The following OR2L2 variants were observed in gnomAD, a reference collection of about 807,000 sequenced individuals.
The protein encoded by OR2L2 is olfactory receptor family 2 subfamily L member 2.
For synonymous variants in OR2L2, 156 were observed against 135.4 expected, an observed-to-expected ratio of 1.15 and a Z score of -1.06; for missense variants, 378 against 375.2, an observed-to-expected ratio of 1.01 and a Z score of -0.06.
chr1:248,032,071 A>G (rs1662634882), intron 1 of OR2L2, among the ~76,000 whole-genome samples: 1 of 152,182 alleles, frequency 6.6e-6, no homozygotes, highest in Admixed American at 6.5e-5. Flanking sequence ...CTACTAATAT[A>G]AATTCAAACT....
At position 248,038,246 on chromosome 1, in the gene OR2L2, G is replaced by A; in HGVS notation, c.-21-1G>A. The A allele has an allele frequency of 1.3e-6, 2 of 1,521,700 alleles. No individual in the cohort carries two copies. Among genetic ancestry groups the A allele is most frequent in the Non-Finnish European group, 1.8e-6 (2 of 1,105,372 alleles). The allele number at this position is 1,521,700 out of a possible 1,614,324, so 94.3% of individuals were successfully genotyped here. ...TAATTTACCCTTTTGTCTCCCTTCA[G>A]GATGGATTGTAGGAATTCCCCATGG... is the stretch of plus-strand genomic sequence containing the variant. On this transcript the variant is annotated splice_acceptor_variant, in intron 2 of 2. Transcript: ENST00000641771. LOFTEE classifies it low-confidence loss of function (5UTR_SPLICE).
At chr1:248,032,113 G>T (rs1262139113) in intron 1 of OR2L2, among the ~76,000 whole-genome samples, 1 of 152,006 alleles carries the variant, frequency 6.6e-6, no homozygotes, top group Non-Finnish European at 1.5e-5. Flanking sequence ...ATCACATATT[G>T]TTTCCAAATG....
At position 248,038,282 on chromosome 1, in the gene OR2L2, T is replaced by A; in HGVS notation, c.15T>A (p.Asn5Lys). 6.2e-7 allele frequency: 1 copy of A among 1,607,956 alleles called. No homozygotes were observed. The highest frequency in any genetic ancestry group is 1.1e-5 in the South Asian group (1 of 90,316). The change falls in exon 3 of 3, where the codon AAT becomes AAA. Residue 5 changes from asparagine to lysine, a missense_variant. Asn to Lys is a moderately conservative substitution (Grantham distance 94, BLOSUM62 0). Coordinates refer to ENST00000641771, the MANE Select transcript of OR2L2 (RefSeq NM_001385855.1). MENYNQTSTDFILLG... is the reference protein window; with the variant it reads MENYKQTSTDFILLG... ...AGGAATTCCCCATGGAAAATTACAA[T>A]CAAACATCAACTGATTTCATCTTAT...
Position 248,039,315 on chromosome 1 carries a change from C to G in OR2L2, c.*109C>G, listed in dbSNP as rs1300825411. On this transcript the variant is annotated 3_prime_UTR_variant, in exon 3 of 3. Transcript: ENST00000641771. The stretch of plus-strand genomic sequence containing the variant: ...CCCAGTGTGTCAAACAGAAGTTAAT[C>G]TAGAAGAAATTTGTCTTTTAATTTA... The G allele has an allele frequency of 3.4e-6, 3 of 877,694 alleles. No homozygotes were observed. Among genetic ancestry groups the G allele is most frequent in the Non-Finnish European group, 4.9e-6 (3 of 614,364 alleles). The allele number at this position is 877,694 out of a possible 1,614,324, so 54.4% of individuals were successfully genotyped here. A position where few individuals can be genotyped will look rare whatever the true frequency, so the allele number is the denominator to read the frequency against.
In OR2L2 at chr1:248,038,927, T is replaced by C. The variant is rs1363371999; in HGVS notation, c.660T>C (p.Val220=). 3.1e-6 allele frequency: 5 copies of C among 1,614,132 alleles called. No homozygotes were observed. The highest frequency in any genetic ancestry group is 4.2e-6 in the Non-Finnish European group (5 of 1,180,022). Reference sequence around the variant, plus strand: ...GTATTGCATGTTCCTATGGCCGGGTTCTCCTTGCTGTCTACCGCATGCACT... The same window carrying C: ...GTATTGCATGTTCCTATGGCCGGGTCCTCCTTGCTGTCTACCGCATGCACT... The part of the protein sequence containing the change: ...FTGIACSYGR[V]LLAVYRMHSA... Residue 220 remains valine (V), a synonymous_variant, in exon 3 of 3, where the codon GTT becomes GTC. Transcript: ENST00000641771.
At chr1:248,038,056 T>C in intron 2 of OR2L2, 191 bp from the exon 3 acceptor site, 1 of 447,326 alleles carries the variant, frequency 2.2e-6, no homozygotes, top group Non-Finnish European at 3.9e-6. Flanking sequence ...TATTTGTAGT[T>C]ATTTTTGTTA....
At position 248,039,587 on chromosome 1, in the gene OR2L2, GT is replaced by G. The variant is rs112647571; in HGVS notation, c.*391del. 0.031 allele frequency: 4,817 copies of G among 153,138 alleles called. 227 individuals carry two copies. Among genetic ancestry groups the G allele is most frequent in the African/African-American group, 0.11 (4,515 of 40,242 alleles). The allele number at this position is 153,138 out of a possible 1,614,324, so 9.5% of individuals were successfully genotyped here. A position where few individuals can be genotyped will look rare whatever the true frequency, so the allele number is the denominator to read the frequency against. ...AGGTGTGAGCCACCATGCCCTGCCT[GT>G]TTTTTTTTTAATCAAATATAGGTCA... On this transcript the variant is annotated 3_prime_UTR_variant, in exon 3 of 3. Coordinates refer to ENST00000641771, the MANE Select transcript of OR2L2 (RefSeq NM_001385855.1).
chr1:248,035,841 T>C (rs567390465), intron 2 of OR2L2, among the ~76,000 whole-genome samples: 1 of 152,280 alleles, frequency 6.6e-6, no homozygotes, highest in East Asian at 1.9e-4. Context: ...CATTCCACTT[T>C]ATATCTGCAG....
chr1:248,039,757 AT>A lies in OR2L2; in HGVS notation c.*552del, dbSNP rs1662890646. On this transcript the variant is annotated 3_prime_UTR_variant, in exon 3 of 3. Coordinates refer to ENST00000641771, the MANE Select transcript of OR2L2 (RefSeq NM_001385855.1). ...CCATTATTATAAAAATAAGACAAAA[AT>A]AACAAATTAGTTAAAATTACTGAAT... 1 of 152,214 alleles carries A rather than the reference AT, an allele frequency of 6.6e-6. No individual in the cohort carries two copies. Among genetic ancestry groups the A allele is most frequent in the Non-Finnish European group, 1.5e-5 (1 of 68,040 alleles). 9.4% of individuals were successfully genotyped at this position (152,214 alleles called of 1,614,324 possible).
rs750377581 is a variant in OR2L2 at position 248,039,243 on chromosome 1, A to G, written c.*37A>G. On this transcript the variant is annotated 3_prime_UTR_variant, in exon 3 of 3. Coordinates refer to ENST00000641771, the MANE Select transcript of OR2L2 (RefSeq NM_001385855.1). ...GTGTTAGAGTCAAAGCGCTAGGTTC[A>G]TATCAACTTAGTAGTGTACAGCAGT... 4.5e-6 allele frequency: 7 copies of G among 1,563,134 alleles called. 1 individual carries two copies. The highest frequency in any genetic ancestry group is 3.6e-5 in the South Asian group (3 of 82,200).
intron 1 of OR2L2, among the ~76,000 whole-genome samples, chr1:248,032,445 C>T (rs1662644132): frequency 1.3e-5 from 2 of 152,088 alleles, no homozygotes. Flanking sequence ...CCATCCCCAC[C>T]AGTCATCTCC....
intron 2 of OR2L2, among the ~76,000 whole-genome samples, chr1:248,035,871 T>A (rs897125115): frequency 6.6e-6 from 1 of 152,130 alleles, no homozygotes; most frequent in African/African-American, 2.4e-5. Flanking sequence ...GACAGCATCA[T>A]CTCCTCTTAT....
intron 1 of OR2L2, among the ~76,000 whole-genome samples, chr1:248,031,352 C>T (rs1045047818): frequency 6.6e-6 from 1 of 152,222 alleles, no homozygotes; most frequent in Non-Finnish European, 1.5e-5. Context: ...AACACATCTC[C>T]TGCCCCTCAG....
intron 1 of OR2L2, among the ~76,000 whole-genome samples, chr1:248,032,871 A>G (rs949797991): frequency 4.6e-5 from 7 of 152,168 alleles, no homozygotes; most frequent in African/African-American, 1.2e-4. Context: ...CAGAAGTGAA[A>G]TAGTTGGAAC....
Position 248,041,821 on chromosome 1 carries a change from C to T in OR2L2, c.*2615C>T, listed in dbSNP as rs2103100695. The T allele has an allele frequency of 6.6e-6, 1 of 152,322 alleles. No homozygotes were observed. The highest frequency in any genetic ancestry group is 1.9e-4 in the East Asian group (1 of 5,182). The allele number at this position is 152,322 out of a possible 1,614,324, so 9.4% of individuals were successfully genotyped here. On this transcript the variant is annotated 3_prime_UTR_variant, in exon 3 of 3. Coordinates refer to ENST00000641771, the MANE Select transcript of OR2L2 (RefSeq NM_001385855.1). ...AAAACCACAATGAGATACCATCTCACACCAGTTAGAATGGCAATCATTAAA... is the reference window on the plus strand; with the variant it reads ...AAAACCACAATGAGATACCATCTCATACCAGTTAGAATGGCAATCATTAAA...
chr1:248,041,849 G>T lies in OR2L2; in HGVS notation c.*2643G>T, dbSNP rs998140663. 1 of 152,176 alleles carries T rather than the reference G, an allele frequency of 6.6e-6. No individual in the cohort carries two copies. The highest frequency in any genetic ancestry group is 1.5e-5 in the Non-Finnish European group (1 of 68,044). 9.4% of individuals were successfully genotyped at this position (152,176 alleles called of 1,614,324 possible). A position where few individuals can be genotyped will look rare whatever the true frequency, so the allele number is the denominator to read the frequency against. ...CAGTTAGAATGGCAATCATTAAAACGTCAGGAAACAACAGGTGCTGGAGAG... is the reference window on the plus strand; with the variant it reads ...CAGTTAGAATGGCAATCATTAAAACTTCAGGAAACAACAGGTGCTGGAGAG... On this transcript the variant is annotated 3_prime_UTR_variant, in exon 3 of 3. Transcript: ENST00000641771.
rs1662772110 is a variant in OR2L2, at chr1:248,036,693, G to A, written c.-22+1069G>A. On this transcript the variant is annotated intron_variant, in intron 2 of 2. Transcript: ENST00000641771. The stretch of plus-strand genomic sequence containing the variant: ...ATCCTGTGCAAAGTTGTCCAGTGAT[G>A]TCTTCTATCTGGAGAAGAATACTCG... Among the ~76,000 whole-genome samples the A allele has an allele frequency of 5.9e-5, 9 of 152,240 alleles. 1 individual carries two copies. In the South Asian group the frequency reaches 1.9e-3, roughly 32 times the overall value.
intron 1 of OR2L2, among the ~76,000 whole-genome samples, chr1:248,033,625 A>C (rs1184132215): frequency 1.4e-5 from 2 of 143,926 alleles, no homozygotes; most frequent in African/African-American, 5.2e-5. Context: ...TTTTTTTTGT[A>C]CAGACAGGAT....
chr1:248,035,519 A>T (rs1662736642), intron 1 of OR2L2, 31 bp from the exon 2 acceptor site: 1 of 152,088 alleles, frequency 6.6e-6, no homozygotes, highest in Non-Finnish European at 1.5e-5. Flanking sequence ...CTGTGACATA[A>T]TTTTTACATC....
Sources: allele counts gnomAD v4.1 joint callset (sites outside exome capture counted in the v4.1 genomes callset), GRCh38; gene constraint gnomAD v4.1.1; transcripts MANE v1.5; gene names NCBI Gene and HGNC (gene_info 2026-07-23, HGNC 2026-07-21).